PKP2: variants seen among roughly 807,000 people sequenced by gnomAD.
PKP2 encodes plakophilin-2.
PKP2 carries 73 observed loss-of-function variants against 83.4 expected under a neutral mutation model. That is an observed-to-expected ratio of 0.88 (90% CI 0.72 to 1.06). The LOEUF (loss-of-function observed/expected upper bound fraction) is 1.06. PKP2 is among the 50% of genes least tolerant of loss of function. PKP2 has a pLI of 0.00. For synonymous variants in PKP2, 409 were observed against 430.4 expected (o/e 0.95, Z 0.62); for missense variants, 966 against 1,065.4 (o/e 0.91, Z 1.30).
chr12:32,831,685 G>A (rs976116742), intron 6 of PKP2, among the ~76,000 whole-genome samples: 1 of 152,146 alleles, frequency 6.6e-6, no homozygotes, highest in Non-Finnish European at 1.5e-5. Context: ...TGATTGATAA[G>A]AATAAAGAGT....
chr12:32,891,484 A>G (rs1039066054), intron 1 of PKP2, among the ~76,000 whole-genome samples: 1 of 152,224 alleles, frequency 6.6e-6, no homozygotes, highest in Non-Finnish European at 1.5e-5. Flanking sequence ...AGATAAAATA[A>G]TGTAACTATG....
chr12:32,843,177 C>T lies in PKP2; in HGVS notation c.1379-1972G>A, dbSNP rs779392697. On this transcript the variant is annotated intron_variant, in intron 5 of 12. Coordinates refer to ENST00000340811, the MANE Select transcript of PKP2 (RefSeq NM_001005242.3). ...TTGTATTTTGAGTAGAGACAGGGGT[C>T]TCACCATGTTGGTCAGGCTGGTCTC... 2.5e-5 allele frequency: 12 copies of T among 488,124 alleles called. No homozygotes were observed. Among genetic ancestry groups the T allele is most frequent in the Admixed American group, 4.5e-5 (2 of 44,730 alleles). 30.2% of individuals were successfully genotyped at this position (488,124 alleles called of 1,614,324 possible).
chr12:32,850,658 A>ATGAGC, intron 5 of PKP2, 108 bp downstream of exon 5: 2 of 836,204 alleles, frequency 2.4e-6, no homozygotes, highest in South Asian at 2.8e-5. Flanking sequence ...TAGCATAACA[A>ATGAGC]TGAGCCCATC....
rs555797358 is a variant in PKP2 at position 32,823,672 on chromosome 12, T to C, written c.1674+373A>G. On this transcript the variant is annotated intron_variant, in intron 7 of 12. Transcript: ENST00000340811. Reference sequence around the variant, plus strand: ...CCCACGCTGGAGTGCAGTGGCGCAATCTCTGCTCACTGCAAGCTCTGGGGT... The same window carrying C: ...CCCACGCTGGAGTGCAGTGGCGCAACCTCTGCTCACTGCAAGCTCTGGGGT... 7.9e-5 allele frequency among the ~76,000 whole-genome samples: 12 copies of C among 151,434 alleles called. 1 individual carries two copies. The South Asian group carries it at 2.3e-3, about 29-fold the overall frequency.
chr12:32,803,947 T>G (rs1225545941), intron 9 of PKP2, among the ~76,000 whole-genome samples: 3 of 152,112 alleles, frequency 2.0e-5, no homozygotes, highest in African/African-American at 7.3e-5. Flanking sequence ...GTACTACTGA[T>G]AAGCAATCAT....
chr12:32,829,544 T>G (rs759467571), intron 6 of PKP2, among the ~76,000 whole-genome samples: 1 of 151,898 alleles, frequency 6.6e-6, no homozygotes, highest in Non-Finnish European at 1.5e-5. Flanking sequence ...CCAGCCAAAA[T>G]TTTGTTTTTT....
At chr12:32,895,491 C>T (rs1476552870) in intron 1 of PKP2, among the ~76,000 whole-genome samples, 1 of 152,226 alleles carries the variant, frequency 6.6e-6, no homozygotes, top group Admixed American at 6.5e-5. Flanking sequence ...AACAACTGAA[C>T]GTTGCAGGAA....
intron 1 of PKP2, among the ~76,000 whole-genome samples, chr12:32,890,099 A>G (rs1033417212): frequency 6.8e-6 from 1 of 146,954 alleles, no homozygotes; most frequent in Non-Finnish European, 1.5e-5. Context: ...AAAAAAAAAG[A>G]AAAGCTGACT....
chr12:32,889,149 G>A (rs186394008), intron 1 of PKP2, among the ~76,000 whole-genome samples: 53 of 152,298 alleles, frequency 3.5e-4, no homozygotes, highest in African/African-American at 1.3e-3. Context: ...CTGGGCAAGA[G>A]AAGGAAGGGA....
At chr12:32,892,994 T>C (rs1320617798) in intron 1 of PKP2, among the ~76,000 whole-genome samples, 1 of 152,194 alleles carries the variant, frequency 6.6e-6, no homozygotes, top group Non-Finnish European at 1.5e-5. Flanking sequence ...AATGCTGCTA[T>C]ACACCTCTGA....
rs375277591 is a variant in PKP2 at position 32,863,868 on chromosome 12, A to T, written c.1170+5059T>A. Among the ~76,000 whole-genome samples the T allele has an allele frequency of 3.3e-5, 5 of 152,342 alleles. No homozygotes were observed. In the East Asian group the frequency reaches 5.8e-4, roughly 18 times the overall value. On this transcript the variant is annotated intron_variant, in intron 4 of 12. Coordinates refer to ENST00000340811, the MANE Select transcript of PKP2 (RefSeq NM_001005242.3). Reference sequence around the variant, plus strand: ...CAACTCAAAATCAGACAGACACTAAAAGTACAGATCATGTCTTTTACACAG... The same window carrying T: ...CAACTCAAAATCAGACAGACACTAATAGTACAGATCATGTCTTTTACACAG...
In PKP2 at chr12:32,821,543, A is replaced by C; in HGVS notation, c.1840-14T>G. On this transcript the variant is annotated splice_polypyrimidine_tract_variant and intron_variant, in intron 8 of 12. Coordinates refer to ENST00000340811, the MANE Select transcript of PKP2 (RefSeq NM_001005242.3). ...GTCCTGGTATTGCTGACCACACACA[A>C]AAGGAATCCAGAATTAATGCATGTC... The C allele has an allele frequency of 1.9e-6, 3 of 1,613,822 alleles. No individual in the cohort carries two copies. The highest frequency in any genetic ancestry group is 2.5e-6 in the Non-Finnish European group (3 of 1,179,822).
At position 32,791,423 on chromosome 12, in the gene PKP2, T is replaced by A. The variant is rs1196648584; in HGVS notation, c.*1001A>T. The A allele has an allele frequency of 6.6e-6, 1 of 152,156 alleles. No homozygotes were observed. The highest frequency in any genetic ancestry group is 2.4e-5 in the African/African-American group (1 of 41,434). The allele number at this position is 152,156 out of a possible 1,614,324, so 9.4% of individuals were successfully genotyped here. A position where few individuals can be genotyped will look rare whatever the true frequency, so the allele number is the denominator to read the frequency against. On this transcript the variant is annotated 3_prime_UTR_variant, in exon 13 of 13. Transcript: ENST00000340811. ...TGGGCAAGGCTGGGCTGGCTGATAA[T>A]GTAACTCATTAACATGAGCCGTATT... is the stretch of plus-strand genomic sequence containing the variant.
chr12:32,810,207 A>G (rs1956264694), intron 9 of PKP2, among the ~76,000 whole-genome samples: 1 of 152,216 alleles, frequency 6.6e-6, no homozygotes, highest in Admixed American at 6.5e-5. Context: ...TACCTTATTC[A>G]GAATCATTTT....
chr12:32,866,687 G>A (rs1662155957), intron 4 of PKP2, among the ~76,000 whole-genome samples: 3 of 151,912 alleles, frequency 2.0e-5, no homozygotes, highest in Admixed American at 2.0e-4. Context: ...GTTAAGATGA[G>A]GAGGAACTGG....
chr12:32,830,301 A>C (rs1956486912), intron 6 of PKP2, among the ~76,000 whole-genome samples: 2 of 152,204 alleles, frequency 1.3e-5, no homozygotes, highest in African/African-American at 4.8e-5. Flanking sequence ...GAAGCAGTAC[A>C]GTCAGCTTGT....
intron 1 of PKP2, among the ~76,000 whole-genome samples, chr12:32,888,304 T>C (rs1957048205): frequency 6.6e-6 from 1 of 152,218 alleles, no homozygotes; most frequent in Non-Finnish European, 1.5e-5. Flanking sequence ...ATGGCAAATA[T>C]CACATTATAC....
rs1320642436 is a variant in PKP2 at position 32,841,066 on chromosome 12, G to A, written c.1518C>T (p.Leu506=). 8 of 1,613,612 alleles carry A rather than the reference G, an allele frequency of 5.0e-6. No homozygotes were observed. The African/African-American group carries it at 5.3e-5, about 11-fold the overall frequency. Residue 506 remains leucine (L), a synonymous_variant, in exon 6 of 13, where the codon CTC becomes CTT. Coordinates refer to ENST00000340811, the MANE Select transcript of PKP2 (RefSeq NM_001005242.3). ...TGACGTTGTAGAATATGTCAAAATCGAGCAAACCATTTGCTTTTGGGTAGT... is the reference window on the plus strand; with the variant it reads ...TGACGTTGTAGAATATGTCAAAATCAAGCAAACCATTTGCTTTTGGGTAGT... The part of the protein sequence containing the change: ...EGDYPKANGL[L]DFDIFYNVTG...
At chr12:32,835,542 GAAAAAAAGAAAAAGAGGA>G (rs1178692241) in intron 6 of PKP2, among the ~76,000 whole-genome samples, 15 of 49,796 alleles carry the variant, frequency 3.0e-4, no homozygotes, top group Admixed American at 7.2e-4. Context: ...AGAAAAAGAG[GAAAAAAAGAAAAAGAGGA>G]AAAAAAAGAA....
Sources: gnomAD v4.1 joint callset for allele counts (sites outside exome capture counted in the v4.1 genomes callset) on GRCh38, gnomAD v4.1.1 for gene constraint, MANE v1.5 for transcripts, NCBI Gene and HGNC (gene_info 2026-07-23, HGNC 2026-07-21) for gene names.